The following PTPRR variants were observed in gnomAD, a reference collection of about 807,000 sequenced individuals.
PTPRR encodes protein tyrosine phosphatase receptor type R, also known as receptor-type tyrosine-protein phosphatase R.
A neutral mutation model predicts 77.2 loss-of-function variants in PTPRR; 38 were observed. The ratio of observed to expected loss-of-function variants is 0.49; its 90% CI spans 0.38 to 0.65. The LOEUF is 0.65. Ranked by LOEUF, PTPRR falls within the 30% of genes least tolerant of loss-of-function variation. PTPRR has a pLI of 0.00. For missense variants in PTPRR, 744 were observed against 799.2 expected, an observed-to-expected ratio of 0.93 and a Z score of 0.83; for synonymous variants, 299 against 283.1, an observed-to-expected ratio of 1.06 and a Z score of -0.57.
chr12:70,874,582 T>C (rs1003106007), intron 2 of PTPRR, among the ~76,000 whole-genome samples: 5 of 152,088 alleles, frequency 3.3e-5, no homozygotes, highest in African/African-American at 1.2e-4. Context: ...GAAATGCAAA[T>C]TGTCATTATC....
chr12:70,731,286 A>T (rs1048859518), intron 6 of PTPRR, among the ~76,000 whole-genome samples: 1 of 152,210 alleles, frequency 6.6e-6, no homozygotes, highest in Non-Finnish European at 1.5e-5. Context: ...CCTCCCCAGA[A>T]ATGAAAAAAA....
intron 2 of PTPRR, among the ~76,000 whole-genome samples, chr12:70,853,386 A>G (rs1892602370): frequency 6.6e-6 from 1 of 152,242 alleles, no homozygotes; most frequent in East Asian, 1.9e-4. Flanking sequence ...ATTCTGCATT[A>G]AAACTACATA....
At chr12:70,890,404 A>T (rs1180477816) in intron 2 of PTPRR, among the ~76,000 whole-genome samples, 1 of 152,164 alleles carries the variant, frequency 6.6e-6, no homozygotes, top group Non-Finnish European at 1.5e-5. Flanking sequence ...TGCGGTGGCA[A>T]TTGGGAATCA....
intron 2 of PTPRR, among the ~76,000 whole-genome samples, chr12:70,779,229 T>A (rs1258312484): frequency 6.6e-6 from 1 of 151,994 alleles, no homozygotes; most frequent in Non-Finnish European, 1.5e-5. Context: ...CTGCAACAAC[T>A]TTCTATCCTG....
chr12:70,887,050 T>TC (rs1462967537), intron 2 of PTPRR, among the ~76,000 whole-genome samples: 1 of 152,232 alleles, frequency 6.6e-6, no homozygotes, highest in African/African-American at 2.4e-5. Context: ...GACAGTGCCC[T>TC]CCTTCTTTCA....
intron 6 of PTPRR, among the ~76,000 whole-genome samples, chr12:70,714,005 G>A (rs1888928158): frequency 6.6e-6 from 1 of 152,054 alleles, no homozygotes; most frequent in South Asian, 2.1e-4. Context: ...CCCTCCTAAT[G>A]TAGTAGGTCT....
intron 2 of PTPRR, among the ~76,000 whole-genome samples, chr12:70,813,103 T>A (rs1336076053): frequency 6.6e-6 from 1 of 152,226 alleles, no homozygotes. Context: ...TAATATGTGA[T>A]CGCTTAACTT....
chr12:70,844,042 C>T (rs1892442985), intron 2 of PTPRR, among the ~76,000 whole-genome samples: 1 of 151,964 alleles, frequency 6.6e-6, no homozygotes, highest in African/African-American at 2.4e-5. Flanking sequence ...TCTCAAACTC[C>T]TAACCGTGGG....
At chr12:70,744,085 C>T (rs1448811169) in intron 6 of PTPRR, among the ~76,000 whole-genome samples, 1 of 152,100 alleles carries the variant, frequency 6.6e-6, no homozygotes, top group Non-Finnish European at 1.5e-5. Flanking sequence ...CTTCAAAGTT[C>T]CTCTTTGAAG....
rs773455647 is a variant in PTPRR at position 70,672,838 on chromosome 12, G to A, written c.1498-10233C>T. 25 of 1,561,268 alleles carry A rather than the reference G, an allele frequency of 1.6e-5. 1 individual carries two copies. The South Asian group carries it at 2.5e-4, about 16-fold the overall frequency. On this transcript the variant is annotated intron_variant, in intron 10 of 13. Transcript: ENST00000283228. ...CCAGTGTGAAATTGAAGAACTAGGT[G>A]TCATCATCAGCAAGGTGGTGTGATG...
At chr12:70,821,282 T>C (rs912211820) in intron 2 of PTPRR, among the ~76,000 whole-genome samples, 1 of 134,744 alleles carries the variant, frequency 7.4e-6, no homozygotes, top group Admixed American at 8.3e-5. Context: ...TGGAGTGCAG[T>C]GGCACAATCT....
intron 11 of PTPRR, 96 bp from the exon 12 acceptor site, chr12:70,661,193 G>A: frequency 2.0e-6 from 3 of 1,485,226 alleles, no homozygotes; most frequent in Non-Finnish European, 2.7e-6. Flanking sequence ...CCCCCATCTT[G>A]CTGGCAATTT....
chr12:70,845,150 AG>A (rs1285256718), intron 2 of PTPRR, among the ~76,000 whole-genome samples: 1 of 152,164 alleles, frequency 6.6e-6, no homozygotes, highest in Admixed American at 6.5e-5. Context: ...TATGGGCTGC[AG>A]ATGTTCACTT....
At chr12:70,825,368 G>A (rs1892091694) in intron 2 of PTPRR, among the ~76,000 whole-genome samples, 1 of 152,152 alleles carries the variant, frequency 6.6e-6, no homozygotes, top group African/African-American at 2.4e-5. Flanking sequence ...AGGCAGGATT[G>A]CAATCCAGAC....
intron 2 of PTPRR, among the ~76,000 whole-genome samples, chr12:70,807,745 A>G (rs1439475063): frequency 6.6e-6 from 1 of 152,142 alleles, no homozygotes; most frequent in Non-Finnish European, 1.5e-5. Context: ...CACTTCCCCA[A>G]TCAATACTCT....
At chr12:70,659,369 G>A (rs1371110011) in intron 12 of PTPRR, among the ~76,000 whole-genome samples, 3 of 152,112 alleles carry the variant, frequency 2.0e-5, no homozygotes, top group African/African-American at 7.2e-5. Flanking sequence ...TATGGTGGCT[G>A]GACAGGAAAT....
chr12:70,893,030 G>C (rs1044452390), intron 1 of PTPRR, 53 bp from the exon 2 acceptor site: 2 of 1,550,536 alleles, frequency 1.3e-6, no homozygotes, highest in Non-Finnish European at 1.8e-6. Flanking sequence ...CAGTAAGAGA[G>C]GTAGATATAT....
Position 70,701,297 on chromosome 12 carries a change from A to G in PTPRR, c.1034T>C (p.Leu345Ser), listed in dbSNP as rs1888416149. Residue 345 changes from leucine (L) to serine (S), a missense_variant, in exon 7 of 14, where the codon TTG becomes TCG. Physicochemically the swap from Leu to Ser is moderately radical, Grantham distance 145. Transcript: ENST00000283228. ...AATGTTCCCCAAGCTACTCATGTCCAATGTAAGAGATACGTTGGACCCTCT... is the reference window on the plus strand; with the variant it reads ...AATGTTCCCCAAGCTACTCATGTCCGATGTAAGAGATACGTTGGACCCTCT... ...ERRGSNVSLT[L>S]DMSSLGNIEP... 1 of 1,613,754 alleles carries G rather than the reference A, an allele frequency of 6.2e-7. No homozygotes were observed. The highest frequency in any genetic ancestry group is 8.5e-7 in the Non-Finnish European group (1 of 1,179,868).
intron 2 of PTPRR, among the ~76,000 whole-genome samples, chr12:70,776,510 G>C (rs1891090909): frequency 6.6e-6 from 1 of 152,080 alleles, no homozygotes; most frequent in Non-Finnish European, 1.5e-5. Flanking sequence ...TCTAATGAAT[G>C]ATCTTAACTC....
Sources: gnomAD v4.1 joint callset for allele counts (sites outside exome capture counted in the v4.1 genomes callset) on GRCh38, gnomAD v4.1.1 for gene constraint, MANE v1.5 for transcripts, NCBI Gene and HGNC (gene_info 2026-07-23, HGNC 2026-07-21) for gene names.